ZBED4: variants seen among roughly 807,000 people sequenced by gnomAD.
ZBED4 encodes the protein zinc finger BED-type containing 4, also known as zinc finger BED domain-containing protein 4.
ZBED4 carries 4 observed loss-of-function variants against 15.5 expected under a neutral mutation model. The observed-to-expected ratio is 0.26, with a 90% confidence interval of 0.13 to 0.59. ZBED4 has a LOEUF of 0.59. ZBED4 is among the 20% of genes least tolerant of loss of function. The pLI, the probability that ZBED4 is intolerant of heterozygous loss-of-function variation, is 0.90. For missense variants in ZBED4, 1,323 were observed against 1,461.8 expected, an observed-to-expected ratio of 0.91 and a Z score of 1.55; for synonymous variants, 692 against 608.5, an observed-to-expected ratio of 1.14 and a Z score of -2.02.
At chr22:49,859,156 CTGT>C (rs1422807979) in intron 1 of ZBED4, among the ~76,000 whole-genome samples, 2 of 152,248 alleles carry the variant, frequency 1.3e-5, no homozygotes, top group African/African-American at 4.8e-5. Context: ...CTTTAGTATG[CTGT>C]TGTTCTTTTT....
rs1338052502 is a variant in ZBED4, at chr22:49,883,912, G to A, written c.250G>A (p.Gly84Ser). ...YLSAESEDDY[G>S]ALFSQYSSTL... ...GTCTGCAGAGAGTGAGGATGACTATGGCGCGCTGTTCTCCCAGTACAGCAG... is the reference window on the plus strand; with the variant it reads ...GTCTGCAGAGAGTGAGGATGACTATAGCGCGCTGTTCTCCCAGTACAGCAG... Residue 84 changes from glycine to serine, a missense_variant, in exon 2 of 2, where the codon GGC becomes AGC. By Grantham distance (56) the Gly-to-Ser change is moderately conservative. Transcript: ENST00000216268. 6.2e-7 allele frequency: 1 copy of A among 1,609,292 alleles called. No individual in the cohort carries two copies. The highest frequency in any genetic ancestry group is 1.7e-5 in the Admixed American group (1 of 59,490).
At chr22:49,857,042 C>A (rs2060277854) in intron 1 of ZBED4, among the ~76,000 whole-genome samples, 1 of 152,174 alleles carries the variant, frequency 6.6e-6, no homozygotes, top group Admixed American at 6.5e-5. Flanking sequence ...AGGACCTGGC[C>A]CCCCGCCCTT....
chr22:49,857,849 C>G (rs1326947880), intron 1 of ZBED4, among the ~76,000 whole-genome samples: 1 of 152,216 alleles, frequency 6.6e-6, no homozygotes, highest in African/African-American at 2.4e-5. Context: ...CTCTACCTCC[C>G]AGGTTAAAGC....
Position 49,854,804 on chromosome 22 carries a change from G to A in ZBED4, c.-330+815G>A, listed in dbSNP as rs145465573. Among the ~76,000 whole-genome samples the A allele has an allele frequency of 4.0e-3, 614 of 152,290 alleles. 13 individuals are homozygous for A. Among genetic ancestry groups the A allele is most frequent in the Middle Eastern group, 0.017 (5 of 294 alleles). ...TTCTGTTGGTGTTCTCGTGTTGGTCGAAAGGGAAGTTATTTATTTTGAAGT... is the reference window on the plus strand; with the variant it reads ...TTCTGTTGGTGTTCTCGTGTTGGTCAAAAGGGAAGTTATTTATTTTGAAGT... On this transcript the variant is annotated intron_variant, in intron 1 of 1. Coordinates refer to ENST00000216268, the MANE Select transcript of ZBED4 (RefSeq NM_014838.3).
chr22:49,854,223 C>T (rs962003940), intron 1 of ZBED4, among the ~76,000 whole-genome samples: 26 of 147,986 alleles, frequency 1.8e-4, no homozygotes, highest in Non-Finnish European at 6.0e-5. Context: ...GCCGACTGAG[C>T]GGCCGAGTGC....
chr22:49,870,962 A>G (rs1337750919), intron 1 of ZBED4, among the ~76,000 whole-genome samples: 1 of 122,386 alleles, frequency 8.2e-6, no homozygotes, highest in South Asian at 2.8e-4. Flanking sequence ...TTTTTTTGAG[A>G]TGGAGTCTCA....
In ZBED4 at chr22:49,883,547, C is replaced by A; in HGVS notation, c.-116C>A. On this transcript the variant is annotated 5_prime_UTR_variant, in exon 2 of 2. The change creates a new upstream start codon in the 5' untranslated region. Coordinates refer to ENST00000216268, the MANE Select transcript of ZBED4 (RefSeq NM_014838.3). ...GATTAGCCATATTTCTAGAAACATC[C>A]TGAAAGATGGAATTATGACGAAAAA... 1.5e-6 allele frequency: 2 copies of A among 1,361,332 alleles called. No individual in the cohort carries two copies. Among genetic ancestry groups the A allele is most frequent in the East Asian group, 2.5e-5 (1 of 40,668 alleles). The allele number at this position is 1,361,332 out of a possible 1,614,324, so 84.3% of individuals were successfully genotyped here.
intron 1 of ZBED4, among the ~76,000 whole-genome samples, chr22:49,866,933 C>T (rs1293410697): frequency 6.6e-6 from 1 of 152,174 alleles, no homozygotes; most frequent in Non-Finnish European, 1.5e-5. Context: ...CAGGAGGTCA[C>T]CTGCCTTCCT....
At chr22:49,854,386 C>A (rs77706098) in intron 1 of ZBED4, among the ~76,000 whole-genome samples, 1 of 152,018 alleles carries the variant, frequency 6.6e-6, no homozygotes, top group Non-Finnish European at 1.5e-5. Context: ...CCTGGGACTT[C>A]TCTGGACGTG....
chr22:49,863,404 G>A (rs951980727), intron 1 of ZBED4, among the ~76,000 whole-genome samples: 1 of 152,158 alleles, frequency 6.6e-6, no homozygotes, highest in Non-Finnish European at 1.5e-5. Context: ...CGAGGCAGGC[G>A]GATCACGAGG....
At position 49,854,344 on chromosome 22, in the gene ZBED4, G is replaced by A. The variant is rs888574598; in HGVS notation, c.-330+355G>A. On this transcript the variant is annotated intron_variant, in intron 1 of 1. Coordinates refer to ENST00000216268, the MANE Select transcript of ZBED4 (RefSeq NM_014838.3). ...GGGTCCGCCGGGAGCGCGCTGTCCC[G>A]GCCACGTCGAGTTAACCCCGCGAGC... Among the ~76,000 whole-genome samples the A allele has an allele frequency of 9.9e-4, 149 of 150,956 alleles. 1 individual carries two copies. The highest frequency in any genetic ancestry group is 3.3e-4 in the Non-Finnish European group (22 of 67,584).
chr22:49,889,913 A>G lies in ZBED4; in HGVS notation c.*2735A>G, dbSNP rs1346540157. ...AATGATGTTTTAGGCAGGTTCCTTA[A>G]TTTCTCAGGTCTGTCTCAGATAATA... On this transcript the variant is annotated 3_prime_UTR_variant, in exon 2 of 2. Coordinates refer to ENST00000216268, the MANE Select transcript of ZBED4 (RefSeq NM_014838.3). The G allele has an allele frequency of 1.8e-5, 3 of 166,944 alleles. No homozygotes were observed. The highest frequency in any genetic ancestry group is 2.1e-4 in the South Asian group (1 of 4,810). The allele number at this position is 166,944 out of a possible 1,614,324, so 10.3% of individuals were successfully genotyped here.
chr22:49,862,297 G>A (rs141961021), intron 1 of ZBED4, among the ~76,000 whole-genome samples: 43 of 152,336 alleles, frequency 2.8e-4, no homozygotes, highest in Non-Finnish European at 2.6e-4. Flanking sequence ...TTTGTGCGGC[G>A]GAGGCCTTAC....
At chr22:49,861,130 A>G (rs902701354) in intron 1 of ZBED4, among the ~76,000 whole-genome samples, 1 of 152,144 alleles carries the variant, frequency 6.6e-6, no homozygotes, top group African/African-American at 2.4e-5. Flanking sequence ...AAACACACCC[A>G]CAACTCATTT....
chr22:49,886,855 T>A lies in ZBED4; in HGVS notation c.3193T>A (p.Trp1065Arg). 4 of 1,614,068 alleles carry A rather than the reference T, an allele frequency of 2.5e-6. No individual in the cohort carries two copies. Among genetic ancestry groups the A allele is most frequent in the Non-Finnish European group, 3.4e-6 (4 of 1,180,020 alleles). Residue 1065 changes from tryptophan (W) to arginine (R), a missense_variant, in exon 2 of 2, where the codon TGG becomes AGG. By Grantham distance (101) the Trp-to-Arg change is moderately radical. Around this residue, in one of 6 missense-constraint regions of ZBED4, gnomAD observed 312 missense variants for 410.7 expected, o/e 0.76. Transcript: ENST00000216268. This position sits in a 1 kb window ranked among gnomAD's most constrained non-coding sequence, Gnocchi z 7.7. ...AGACTCTGCCGCAGAGGAGAACCTG[T>A]GGTCACTTGTGGCCAAGGTGAAGAA... is the stretch of plus-strand genomic sequence containing the variant. ...SKDSAAEENL[W>R]SLVAKVKKKD...
rs2060449833 is a variant in ZBED4, at chr22:49,888,120, CTTAGTG to C, written c.*945_*950del. 6.0e-6 allele frequency: 1 copy of C among 167,098 alleles called. No individual in the cohort carries two copies. Among genetic ancestry groups the C allele is most frequent in the Non-Finnish European group, 1.5e-5 (1 of 68,106 alleles). 10.4% of individuals were successfully genotyped at this position (167,098 alleles called of 1,614,324 possible). On this transcript the variant is annotated 3_prime_UTR_variant, in exon 2 of 2. Coordinates refer to ENST00000216268, the MANE Select transcript of ZBED4 (RefSeq NM_014838.3). ...GTTATATTCCAGTTGTAAGAATAGCCTTAGTGTTTAGATTTTTTTATGATAGGGAAG... is the reference window on the plus strand; with the variant it reads ...GTTATATTCCAGTTGTAAGAATAGCCTTTAGATTTTTTTATGATAGGGAAG...
chr22:49,859,055 G>T (rs946770789), intron 1 of ZBED4, among the ~76,000 whole-genome samples: 27 of 152,304 alleles, frequency 1.8e-4, no homozygotes, highest in African/African-American at 5.3e-4. Context: ...AGATGAGGGG[G>T]TGTCTCGGGG....
At chr22:49,880,564 C>T (rs563667984) in intron 1 of ZBED4, among the ~76,000 whole-genome samples, 1 of 152,244 alleles carries the variant, frequency 6.6e-6, no homozygotes, top group Non-Finnish European at 1.5e-5. Context: ...TCTCTCTCAG[C>T]GTCTGAAAAC....
intron 1 of ZBED4, among the ~76,000 whole-genome samples, chr22:49,857,560 A>G (rs1262242654): frequency 6.6e-6 from 1 of 152,084 alleles, no homozygotes; most frequent in Non-Finnish European, 1.5e-5. Context: ...ACCCCTTGCC[A>G]CTGTCTTTGA....
Sources: gnomAD v4.1 joint callset for allele counts (sites outside exome capture counted in the v4.1 genomes callset) on GRCh38, gnomAD v4.1.1 for gene constraint, gnomAD v4.1.1 regional missense constraint, Gnocchi (gnomAD v3.1) non-coding constraint, MANE v1.5 for transcripts, NCBI Gene and HGNC (gene_info 2026-07-23, HGNC 2026-07-21) for gene names.